SLC39A8: variants seen among roughly 807,000 people sequenced by gnomAD.
SLC39A8 encodes solute carrier family 39 member 8, also known as metal cation symporter ZIP8.
A neutral mutation model predicts 40.4 loss-of-function variants in SLC39A8; 15 were observed. The observed-to-expected ratio is 0.37, with a 90% confidence interval of 0.25 to 0.57. The LOEUF is 0.57. Among genes scored for constraint, SLC39A8 ranks in the 20% least tolerant of loss-of-function variants. The pLI is 0.75. For synonymous variants in SLC39A8, 223 were observed against 221.6 expected, an observed-to-expected ratio of 1.01 and a Z score of -0.06; for missense variants, 472 against 558.8, an observed-to-expected ratio of 0.84 and a Z score of 1.57.
chr4:102,316,978 G>T (rs962764561), intron 2 of SLC39A8, among the ~76,000 whole-genome samples: 1 of 152,196 alleles, frequency 6.6e-6, no homozygotes, highest in African/African-American at 2.4e-5. Flanking sequence ...GACCCAAGGA[G>T]AGAGCCCTCA....
intron 11 of SLC39A8, among the ~76,000 whole-genome samples, chr4:102,255,613 T>C (rs151369): frequency 0.8 from 121,814 of 152,142 alleles, 49,475 homozygotes; most frequent in African/African-American, 0.92. Flanking sequence ...TTGTGGCAAA[T>C]GGGTGAGGTT....
At chr4:102,304,682 C>A (rs994855816) in intron 5 of SLC39A8, among the ~76,000 whole-genome samples, 1 of 150,872 alleles carries the variant, frequency 6.6e-6, no homozygotes, top group Non-Finnish European at 1.5e-5. Context: ...ACTGTTTGTT[C>A]GTGTTAGAAC....
Position 102,302,520 on chromosome 4 carries a change from C to A in SLC39A8, c.840+1797G>T, listed in dbSNP as rs138441299. On this transcript the variant is annotated intron_variant, in intron 6 of 8. Coordinates refer to ENST00000356736, the MANE Select transcript of SLC39A8 (RefSeq NM_001135146.2). ...TCCTCAGAAAGCAATATCCTTGGGT[C>A]AAATTATTTTTCCCCACTACAAAAA... Among the ~76,000 whole-genome samples the A allele has an allele frequency of 3.4e-3, 516 of 152,104 alleles. 1 individual carries two copies. The highest frequency in any genetic ancestry group is 0.01 in the Middle Eastern group (3 of 294).
intron 2 of SLC39A8, among the ~76,000 whole-genome samples, chr4:102,328,624 A>C (rs1735317411): frequency 6.6e-6 from 1 of 152,226 alleles, no homozygotes; most frequent in Admixed American, 6.5e-5. Context: ...ATATCGCCTA[A>C]ATGTCAGACA....
chr4:102,287,017 T>C (rs748627608), intron 6 of SLC39A8, among the ~76,000 whole-genome samples: 2 of 152,166 alleles, frequency 1.3e-5, no homozygotes, highest in Non-Finnish European at 2.9e-5. Context: ...AGGGAGTCAC[T>C]GTACTTAACT....
At chr4:102,298,175 A>G (rs1054837925) in intron 6 of SLC39A8, among the ~76,000 whole-genome samples, 1 of 148,658 alleles carries the variant, frequency 6.7e-6, no homozygotes. Context: ...GTGGAGTAAT[A>G]AAAAAAAAAC....
chr4:102,252,530 T>C (rs1578546625), exon 12 of SLC39A8: 1 of 152,374 alleles, frequency 6.6e-6, no homozygotes. Flanking sequence ...TTGCTTTAAT[T>C]ACTAGCAGTC....
intron 6 of SLC39A8, among the ~76,000 whole-genome samples, chr4:102,286,331 G>C (rs908147111): frequency 6.6e-6 from 1 of 152,102 alleles, no homozygotes; most frequent in Admixed American, 6.6e-5. Context: ...CAGCATGCAT[G>C]ACAGAACAAC....
At chr4:102,304,527 G>T in intron 5 of SLC39A8, 46 bp from the exon 6 acceptor site, 1 of 1,488,368 alleles carries the variant, frequency 6.7e-7, no homozygotes, top group South Asian at 1.2e-5. Flanking sequence ...GAAAAAAGAT[G>T]ATTCATACAG....
chr4:102,340,361 T>C (rs545339151), intron 2 of SLC39A8, among the ~76,000 whole-genome samples: 1 of 152,322 alleles, frequency 6.6e-6, no homozygotes, highest in Non-Finnish European at 1.5e-5. Flanking sequence ...TAATATGTTA[T>C]AATTGCACAA....
Position 102,267,957 on chromosome 4 carries a change from C to T in SLC39A8, c.963G>A (p.Ala321=), listed in dbSNP as rs149067763. 1.9e-5 allele frequency: 30 copies of T among 1,614,208 alleles called. No homozygotes were observed. In the African/African-American group the frequency reaches 2.3e-4, roughly 12 times the overall value. ...GAGACAAGGTGCAGGAAGCCCCAATCGCCAGGCCATCGATGAAATTGTGGA... is the reference window on the plus strand; with the variant it reads ...GAGACAAGGTGCAGGAAGCCCCAATTGCCAGGCCATCGATGAAATTGTGGA... The part of the protein sequence containing the change: ...DALHNFIDGL[A]IGASCTLSLL... Residue 321 remains alanine (A), a synonymous_variant, in exon 7 of 9, where the codon GCG becomes GCA. Coordinates refer to ENST00000356736, the MANE Select transcript of SLC39A8 (RefSeq NM_001135146.2).
chr4:102,251,987 T>C (rs1443054259), exon 12 of SLC39A8: 1 of 152,242 alleles, frequency 6.6e-6, no homozygotes, highest in Non-Finnish European at 1.5e-5. Context: ...TCTTAACCTC[T>C]TCACTCTCTT....
intron 8 of SLC39A8, among the ~76,000 whole-genome samples, chr4:102,263,696 A>T (rs942743398): frequency 3.6e-4 from 55 of 152,206 alleles, no homozygotes; most frequent in African/African-American, 1.3e-3. Context: ...CATTTTACCC[A>T]CAGTAGAAAT....
intron 6 of SLC39A8, among the ~76,000 whole-genome samples, chr4:102,272,841 A>C (rs1732431765): frequency 6.6e-6 from 1 of 152,016 alleles, no homozygotes; most frequent in Admixed American, 6.5e-5. Flanking sequence ...AAGTGCAAGG[A>C]GCCGGGGACC....
intron 5 of SLC39A8, 48 bp from the exon 6 acceptor site, chr4:102,304,529 T>C (rs1734064329): frequency 6.7e-7 from 1 of 1,493,666 alleles, no homozygotes; most frequent in Admixed American, 1.9e-5. Context: ...AAAAAGATGA[T>C]TCATACAGAC....
At chr4:102,300,637 T>G (rs1308329801) in intron 6 of SLC39A8, among the ~76,000 whole-genome samples, 1 of 152,034 alleles carries the variant, frequency 6.6e-6, no homozygotes, top group Non-Finnish European at 1.5e-5. Context: ...CTTATTATTT[T>G]CAATTTGGAA....
chr4:102,295,189 T>C (rs1286781084), intron 6 of SLC39A8, among the ~76,000 whole-genome samples: 3 of 148,150 alleles, frequency 2.0e-5, no homozygotes, highest in Non-Finnish European at 4.5e-5. Flanking sequence ...ATTATATATA[T>C]GTATATAAAA....
intron 2 of SLC39A8, among the ~76,000 whole-genome samples, chr4:102,331,383 G>A (rs551049104): frequency 1.3e-5 from 2 of 151,742 alleles, no homozygotes; most frequent in South Asian, 2.1e-4. Flanking sequence ...AATAACAGAT[G>A]AGAGCCAAAT....
At chr4:102,309,392 G>C (rs1734327093) in intron 3 of SLC39A8, among the ~76,000 whole-genome samples, 1 of 151,928 alleles carries the variant, frequency 6.6e-6, no homozygotes, top group Non-Finnish European at 1.5e-5. Flanking sequence ...ATCAGTTGCA[G>C]GTCCTGGCCA....
Sources: allele counts gnomAD v4.1 joint callset (sites outside exome capture counted in the v4.1 genomes callset), GRCh38; gene constraint gnomAD v4.1.1; transcripts MANE v1.5; gene names NCBI Gene and HGNC (gene_info 2026-07-23, HGNC 2026-07-21).